PDE1C: variants seen among roughly 807,000 people sequenced by gnomAD.
The protein encoded by PDE1C is dual specificity calcium/calmodulin-dependent 3',5'-cyclic nucleotide phosphodiesterase 1C.
A neutral mutation model predicts 93.1 loss-of-function variants in PDE1C; 62 were observed. The ratio of observed to expected loss-of-function variants is 0.67; its 90% CI spans 0.54 to 0.82. The LOEUF is 0.82. Among genes scored for constraint, PDE1C ranks in the 40% least tolerant of loss-of-function variants. The pLI, the probability that PDE1C is intolerant of heterozygous loss-of-function variation, is 0.00. For synonymous variants in PDE1C, 325 were observed against 310.1 expected (o/e 1.05, Z -0.50); for missense variants, 742 against 884.6 (o/e 0.84, Z 2.04).
the PDE1C span, among the ~76,000 whole-genome samples, chr7:31,735,070 A>G: frequency 6.6e-6 from 1 of 152,156 alleles, no homozygotes; most frequent in Non-Finnish European, 1.5e-5. Flanking sequence ...TACAAGATCC[A>G]TAGGTGATTT....
intron 3 of PDE1C, among the ~76,000 whole-genome samples, chr7:32,123,152 A>T (rs544978269): frequency 1.3e-5 from 2 of 152,320 alleles, no homozygotes; most frequent in South Asian, 4.1e-4. Context: ...CCCTCCCAAG[A>T]CTAAACCAGG....
chr7:31,919,416 G>A (rs2128955696), intron 2 of PDE1C, among the ~76,000 whole-genome samples: 1 of 152,274 alleles, frequency 6.6e-6, no homozygotes, highest in East Asian at 1.9e-4. Flanking sequence ...GGTATGAGGA[G>A]TAAACAAATT....
chr7:32,021,059 C>G (rs1359854567), intron 2 of PDE1C, among the ~76,000 whole-genome samples: 3 of 152,092 alleles, frequency 2.0e-5, no homozygotes, highest in Admixed American at 6.5e-5. Flanking sequence ...CCAGGTCACT[C>G]GTCTGTCTCC....
intron 8 of PDE1C, among the ~76,000 whole-genome samples, chr7:31,849,113 C>A (rs946531731): frequency 1.3e-5 from 2 of 152,188 alleles, no homozygotes; most frequent in Non-Finnish European, 2.9e-5. Context: ...GCAGAACATT[C>A]AAATCCCGAG....
chr7:32,174,638 T>C (rs1268886464), intron 2 of PDE1C, among the ~76,000 whole-genome samples: 1 of 152,174 alleles, frequency 6.6e-6, no homozygotes, highest in East Asian at 1.9e-4. Context: ...CAGAGGCTGG[T>C]TGGGCCATTT....
chr7:32,060,496 T>C (rs865813245), intron 1 of PDE1C, among the ~76,000 whole-genome samples: 1 of 152,304 alleles, frequency 6.6e-6, no homozygotes, highest in East Asian at 1.9e-4. Context: ...ACACGCTCTA[T>C]AAATCTCAAC....
intron 13 of PDE1C, 136 bp from the exon 14 acceptor site, chr7:31,823,384 T>C (rs1268102535): frequency 1.6e-6 from 1 of 630,948 alleles, no homozygotes; most frequent in Non-Finnish European, 2.5e-6. Flanking sequence ...AGGTTTATAA[T>C]TATTCTATTT....
At chr7:31,848,789 C>T (rs557748764) in intron 8 of PDE1C, among the ~76,000 whole-genome samples, 10 of 152,254 alleles carry the variant, frequency 6.6e-5, no homozygotes, top group African/African-American at 2.4e-4. Context: ...TGTTAGAGCC[C>T]TTTGGTGGCC....
chr7:31,874,598 G>T (rs896721998), intron 5 of PDE1C, among the ~76,000 whole-genome samples: 2 of 152,108 alleles, frequency 1.3e-5, no homozygotes, highest in African/African-American at 4.8e-5. Context: ...GGCCATCAAG[G>T]GTCTCCCTCC....
At chr7:32,111,781 A>G (rs879073152) in intron 3 of PDE1C, among the ~76,000 whole-genome samples, 1 of 152,230 alleles carries the variant, frequency 6.6e-6, no homozygotes. Flanking sequence ...TATGAATGCC[A>G]TAAGAGTGTA....
chr7:31,975,997 G>A (rs1368774253), intron 2 of PDE1C, among the ~76,000 whole-genome samples: 1 of 152,154 alleles, frequency 6.6e-6, no homozygotes, highest in Non-Finnish European at 1.5e-5. Context: ...TCACAATACT[G>A]ATGTTCCAAT....
At chr7:32,311,335 G>A (rs181910910) in intron 1 of PDE1C, among the ~76,000 whole-genome samples, 7,490 of 152,268 alleles carry the variant, frequency 0.049, 232 homozygotes, top group African/African-American at 0.084. Context: ...ACAAGGAGGA[G>A]CTGGTACCAT....
At chr7:31,927,581 CA>C (rs1229167443) in intron 2 of PDE1C, among the ~76,000 whole-genome samples, 1 of 152,172 alleles carries the variant, frequency 6.6e-6, no homozygotes, top group Admixed American at 6.5e-5. Context: ...CCCTCTGGGA[CA>C]AAGCTTCCAG....
intron 1 of PDE1C, among the ~76,000 whole-genome samples, chr7:32,348,873 C>T (rs747001113): frequency 4.0e-5 from 6 of 149,108 alleles, no homozygotes; most frequent in Non-Finnish European, 7.5e-5. Flanking sequence ...CCACATTGGC[C>T]AACTCTGATC....
chr7:32,046,854 T>C (rs962872626), intron 2 of PDE1C, among the ~76,000 whole-genome samples: 2 of 152,172 alleles, frequency 1.3e-5, no homozygotes, highest in Non-Finnish European at 2.9e-5. Flanking sequence ...ATGAGGTTGT[T>C]CATTACCTGG....
At chr7:32,345,692 G>A (rs1344109765) in intron 1 of PDE1C, among the ~76,000 whole-genome samples, 1 of 152,076 alleles carries the variant, frequency 6.6e-6, no homozygotes, top group Non-Finnish European at 1.5e-5. Context: ...AGTAAAACAT[G>A]TAAACAGACA....
At chr7:32,224,382 A>G (rs1807100106) in intron 1 of PDE1C, among the ~76,000 whole-genome samples, 1 of 152,092 alleles carries the variant, frequency 6.6e-6, no homozygotes, top group Non-Finnish European at 1.5e-5. Flanking sequence ...AAAAAAAAAA[A>G]GACTGCAGGC....
chr7:32,022,058 G>T (rs1206929348), intron 2 of PDE1C, among the ~76,000 whole-genome samples: 1 of 151,876 alleles, frequency 6.6e-6, no homozygotes, highest in East Asian at 1.9e-4. Flanking sequence ...ACCTACAATG[G>T]CTCTTAATTC....
intron 2 of PDE1C, among the ~76,000 whole-genome samples, chr7:31,981,117 A>T (rs1286002551): frequency 6.6e-6 from 1 of 152,128 alleles, no homozygotes; most frequent in Non-Finnish European, 1.5e-5. Context: ...TTTTCTCCTA[A>T]TCTATAAACC....
Sources: allele counts gnomAD v4.1 joint callset (sites outside exome capture counted in the v4.1 genomes callset), GRCh38; gene constraint gnomAD v4.1.1; transcripts MANE v1.5; gene names NCBI Gene and HGNC (gene_info 2026-07-23, HGNC 2026-07-21).